Variants in SCFD2 observed in about 807,000 individuals in gnomAD.
The protein encoded by SCFD2 is sec1 family domain-containing protein 2.
SCFD2 carries 54 observed loss-of-function variants against 58.9 expected under a neutral mutation model. The ratio of observed to expected loss-of-function variants is 0.92; its 90% CI spans 0.74 to 1.15. SCFD2 has a LOEUF of 1.15. SCFD2 is among the 50% of genes most tolerant of loss of function. The pLI is 0.00. For synonymous variants in SCFD2, 321 were observed against 335.9 expected, an observed-to-expected ratio of 0.96 and a Z score of 0.49; for missense variants, 805 against 836.6, an observed-to-expected ratio of 0.96 and a Z score of 0.47.
intron 3 of SCFD2, among the ~76,000 whole-genome samples, chr4:53,292,239 G>A (rs1731864466): frequency 6.6e-6 from 1 of 152,042 alleles, no homozygotes; most frequent in Non-Finnish European, 1.5e-5. Flanking sequence ...CACAGCAAAA[G>A]TAACTATCCT....
intron 5 of SCFD2, among the ~76,000 whole-genome samples, chr4:53,091,735 G>T (rs1476012877): frequency 6.6e-6 from 1 of 152,062 alleles, no homozygotes; most frequent in African/African-American, 2.4e-5. Flanking sequence ...CAGACATGAA[G>T]ATTTCTGGGA....
At chr4:53,052,095 A>G (rs909381945) in intron 5 of SCFD2, among the ~76,000 whole-genome samples, 1 of 152,192 alleles carries the variant, frequency 6.6e-6, no homozygotes, top group Non-Finnish European at 1.5e-5. Context: ...AAAACCTTTC[A>G]GAAGCTTTCC....
intron 4 of SCFD2, among the ~76,000 whole-genome samples, chr4:53,251,981 A>G: frequency 6.6e-6 from 1 of 152,170 alleles, no homozygotes; most frequent in Non-Finnish European, 1.5e-5. Context: ...ATATCTAGAA[A>G]ACCCCATCAT....
At chr4:52,922,831 G>T (rs1189782501) in intron 5 of SCFD2, among the ~76,000 whole-genome samples, 1 of 152,216 alleles carries the variant, frequency 6.6e-6, no homozygotes, top group Non-Finnish European at 1.5e-5. Flanking sequence ...CACCAACAGT[G>T]TAAGAGGGTT....
chr4:52,985,554 A>G (rs1721470150), intron 5 of SCFD2, among the ~76,000 whole-genome samples: 2 of 151,954 alleles, frequency 1.3e-5, no homozygotes, highest in Admixed American at 1.3e-4. Context: ...AGCACCATAT[A>G]GCAGCATATT....
intron 5 of SCFD2, among the ~76,000 whole-genome samples, chr4:53,029,621 G>A (rs1237994414): frequency 2.0e-5 from 3 of 152,158 alleles, no homozygotes; most frequent in Non-Finnish European, 4.4e-5. Flanking sequence ...GAAGCACTAT[G>A]GTAGGTCTTT....
chr4:53,287,347 T>G (rs1377848957), intron 3 of SCFD2, among the ~76,000 whole-genome samples: 3 of 152,174 alleles, frequency 2.0e-5, no homozygotes, highest in African/African-American at 7.2e-5. Flanking sequence ...TACGCTCAGC[T>G]AAGTCTCCCA....
At chr4:53,235,812 CGT>C (rs904024417) in intron 4 of SCFD2, among the ~76,000 whole-genome samples, 28 of 152,176 alleles carry the variant, frequency 1.8e-4, no homozygotes, top group African/African-American at 6.7e-4. Flanking sequence ...TGCATACATA[CGT>C]GTGTGCATAC....
chr4:53,288,446 G>A (rs1731737749), intron 3 of SCFD2, among the ~76,000 whole-genome samples: 1 of 151,832 alleles, frequency 6.6e-6, no homozygotes, highest in South Asian at 2.1e-4. Flanking sequence ...CCTAAACAAG[G>A]CACACTACAA....
At chr4:53,245,118 G>A (rs543596116) in intron 4 of SCFD2, among the ~76,000 whole-genome samples, 3 of 151,708 alleles carry the variant, frequency 2.0e-5, no homozygotes, top group South Asian at 2.1e-4. Flanking sequence ...GTAACAAATA[G>A]CCTACCAACC....
chr4:53,206,777 A>G (rs1385241167), intron 4 of SCFD2, among the ~76,000 whole-genome samples: 1 of 152,244 alleles, frequency 6.6e-6, no homozygotes, highest in Middle Eastern at 3.4e-3. Context: ...AGTCATTTTT[A>G]CCATCCTACA....
chr4:53,149,215 G>A (rs1204086717), intron 4 of SCFD2, among the ~76,000 whole-genome samples: 1 of 152,162 alleles, frequency 6.6e-6, no homozygotes, highest in African/African-American at 2.4e-5. Flanking sequence ...AAGGAAACAG[G>A]AATCCTCAGA....
intron 5 of SCFD2, among the ~76,000 whole-genome samples, chr4:52,944,464 A>G (rs1190529886): frequency 6.6e-6 from 1 of 152,202 alleles, no homozygotes; most frequent in African/African-American, 2.4e-5. Context: ...AGACCATAAG[A>G]CAGAAAAAGA....
At chr4:53,148,442 C>G (rs1028933374) in intron 4 of SCFD2, among the ~76,000 whole-genome samples, 2 of 152,142 alleles carry the variant, frequency 1.3e-5, no homozygotes, top group Middle Eastern at 3.2e-3. Flanking sequence ...GGAATATTGA[C>G]CAGTCTTAAA....
chr4:53,293,290 CTG>C (rs1373372424), intron 3 of SCFD2, among the ~76,000 whole-genome samples: 1 of 151,978 alleles, frequency 6.6e-6, no homozygotes, highest in East Asian at 1.9e-4. Flanking sequence ...ACAACACACA[CTG>C]GGGCCAGTTG....
At chr4:53,049,833 G>A (rs1723140390) in intron 5 of SCFD2, among the ~76,000 whole-genome samples, 1 of 152,080 alleles carries the variant, frequency 6.6e-6, no homozygotes, top group African/African-American at 2.4e-5. Context: ...CTCTCTCTCA[G>A]TGGAGGGGTT....
chr4:53,069,829 A>T (rs189182920), intron 5 of SCFD2, among the ~76,000 whole-genome samples: 4 of 152,040 alleles, frequency 2.6e-5, no homozygotes, highest in Non-Finnish European at 5.9e-5. Flanking sequence ...TCTCCCTGAC[A>T]CTTAAATATT....
At chr4:53,273,687 G>A (rs1181953862) in intron 4 of SCFD2, 139 bp downstream of exon 4, 5 of 735,264 alleles carry the variant, frequency 6.8e-6, no homozygotes, top group South Asian at 7.1e-5. Flanking sequence ...ATTTTAACTA[G>A]GGGGCACTTA....
At chr4:53,215,608 T>C (rs1253275285) in intron 4 of SCFD2, among the ~76,000 whole-genome samples, 1 of 152,138 alleles carries the variant, frequency 6.6e-6, no homozygotes, top group Non-Finnish European at 1.5e-5. Context: ...CAATTTGACT[T>C]CCTCTTTTCC....
Sources: gnomAD v4.1 joint callset for allele counts (sites outside exome capture counted in the v4.1 genomes callset) on GRCh38, gnomAD v4.1.1 for gene constraint, MANE v1.5 for transcripts, NCBI Gene and HGNC (gene_info 2026-07-23, HGNC 2026-07-21) for gene names.